Variants in CAP2 observed in about 807,000 individuals in gnomAD.
CAP2 encodes adenylyl cyclase-associated protein 2.
Under a neutral mutation model 57.7 loss-of-function variants are expected in CAP2, and 24 were observed. That is an observed-to-expected ratio of 0.42 (90% confidence interval 0.30 to 0.58). The LOEUF (loss-of-function observed/expected upper bound fraction) is 0.58. CAP2 is among the 20% of genes least tolerant of loss of function. The pLI is 0.22. For synonymous variants in CAP2, 194 were observed against 207.2 expected (o/e 0.94, Z 0.55); for missense variants, 501 against 590.3 (o/e 0.85, Z 1.57).
Position 17,421,638 on chromosome 6 carries a change from C to T in CAP2, c.83C>T (p.Pro28Leu). The T allele has an allele frequency of 6.2e-7, 1 of 1,614,090 alleles. No homozygotes were observed. Among genetic ancestry groups the T allele is most frequent in the Non-Finnish European group, 8.5e-7 (1 of 1,179,970 alleles). ...TCGCTGTCTGCAGAGTCCCACAGGC[C>T]CCCTGGGAACTGCGGGGAAGTCAAT... ...LESLSAESHR[P>L]PGNCGEVNGV... Residue 28 changes from proline to leucine, a missense_variant, in exon 2 of 13, where the codon CCC (proline) becomes CTC (leucine). Transcript: ENST00000229922.
chr6:17,441,528 G>C (rs2113563592), intron 3 of CAP2, among the ~76,000 whole-genome samples: 1 of 151,712 alleles, frequency 6.6e-6, no homozygotes, highest in East Asian at 1.9e-4. Context: ...CTTTCGCCCA[G>C]GCTGGAGTGC....
chr6:17,532,189 G>A (rs1762660848), intron 7 of CAP2, among the ~76,000 whole-genome samples: 1 of 141,788 alleles, frequency 7.1e-6, no homozygotes, highest in African/African-American at 2.6e-5. Context: ...CCCCCAGGCA[G>A]GAGTGCAGTG....
At chr6:17,483,909 GGATAGAGCCCCATA>G (rs781109020) in intron 4 of CAP2, among the ~76,000 whole-genome samples, 3 of 151,902 alleles carry the variant, frequency 2.0e-5, no homozygotes, top group Non-Finnish European at 4.4e-5. Context: ...AGCTTGCCCT[GGATAGAGCCCCATA>G]GGTTCTCTCC....
At chr6:17,430,600 G>A (rs1346866047) in intron 3 of CAP2, among the ~76,000 whole-genome samples, 4 of 150,858 alleles carry the variant, frequency 2.7e-5, no homozygotes, top group African/African-American at 4.9e-5. Context: ...GTGCAGTGGC[G>A]TGATCTGAGC....
chr6:17,394,133 G>A (rs1000155093), intron 1 of CAP2, among the ~76,000 whole-genome samples: 1 of 146,936 alleles, frequency 6.8e-6, no homozygotes, highest in Non-Finnish European at 1.5e-5. Context: ...ACTTTGGGGG[G>A]TCTCGTCCAC....
intron 3 of CAP2, among the ~76,000 whole-genome samples, chr6:17,440,562 T>G (rs894821029): frequency 6.6e-6 from 1 of 151,244 alleles, no homozygotes; most frequent in Admixed American, 6.6e-5. Flanking sequence ...TTAGCAGGAA[T>G]GTCAGCCCAT....
intron 1 of CAP2, among the ~76,000 whole-genome samples, chr6:17,404,493 T>C (rs1013161967): frequency 3.3e-5 from 5 of 151,908 alleles, no homozygotes; most frequent in African/African-American, 1.2e-4. Context: ...TAGTCCCAGC[T>C]ACTCGGGAGG....
chr6:17,462,928 G>T, intron 3 of CAP2, 68 bp from the exon 4 acceptor site: 1 of 1,241,314 alleles, frequency 8.1e-7, no homozygotes, highest in Non-Finnish European at 1.2e-6. Context: ...GGGTGGAATT[G>T]CCAGATTATA....
At chr6:17,448,615 G>A (rs1224101954) in intron 3 of CAP2, among the ~76,000 whole-genome samples, 2 of 152,286 alleles carry the variant, frequency 1.3e-5, no homozygotes, top group South Asian at 2.1e-4. Context: ...ATTTAGAAGA[G>A]TTCAGTGTTG....
intron 1 of CAP2, among the ~76,000 whole-genome samples, chr6:17,406,146 C>T (rs920761919): frequency 1.1e-4 from 17 of 152,074 alleles, no homozygotes; most frequent in Non-Finnish European, 2.4e-4. Flanking sequence ...CAGGGCATCC[C>T]CTTCTTTAGC....
chr6:17,514,382 C>T (rs1371331038), intron 7 of CAP2, among the ~76,000 whole-genome samples: 2 of 151,570 alleles, frequency 1.3e-5, no homozygotes, highest in African/African-American at 4.8e-5. Context: ...CATGTAGAAA[C>T]GGTTTATGGA....
chr6:17,531,458 T>C, intron 7 of CAP2: 2 of 1,525,778 alleles, frequency 1.3e-6, no homozygotes, highest in South Asian at 1.1e-5. Context: ...CATCTGCCTA[T>C]ATTCCTTGTG....
intron 3 of CAP2, among the ~76,000 whole-genome samples, chr6:17,462,077 A>C (rs2113596246): frequency 6.6e-6 from 1 of 151,654 alleles, no homozygotes; most frequent in South Asian, 2.1e-4. Context: ...AAATTAACAA[A>C]TTAGTTGAAT....
intron 1 of CAP2, among the ~76,000 whole-genome samples, chr6:17,411,070 C>G (rs948979604): frequency 1.3e-5 from 2 of 152,118 alleles, no homozygotes; most frequent in African/African-American, 4.8e-5. Flanking sequence ...GTCTGACTTT[C>G]ATTTAGTGTA....
At chr6:17,544,533 A>T (rs1454588389) in intron 11 of CAP2, among the ~76,000 whole-genome samples, 1 of 148,516 alleles carries the variant, frequency 6.7e-6, no homozygotes, top group Non-Finnish European at 1.5e-5. Flanking sequence ...TTGGCCAATT[A>T]TAACTTCTAT....
At chr6:17,443,209 G>A (rs73369448) in intron 3 of CAP2, among the ~76,000 whole-genome samples, 7,182 of 151,990 alleles carry the variant, frequency 0.047, 563 homozygotes, top group African/African-American at 0.16. Flanking sequence ...CCACTATCAC[G>A]GTATTGCACT....
At chr6:17,518,361 A>G (rs1168044383) in intron 7 of CAP2, among the ~76,000 whole-genome samples, 2 of 152,184 alleles carry the variant, frequency 1.3e-5, no homozygotes, top group East Asian at 3.9e-4. Context: ...CTCCTCTCTG[A>G]CTGTGGCCTG....
At position 17,413,416 on chromosome 6, in the gene CAP2, C is replaced by T. The variant is rs139349628; in HGVS notation, c.-1-8139C>T. Among the ~76,000 whole-genome samples the T allele has an allele frequency of 2.6e-3, 402 of 152,222 alleles. 2 individuals carry two copies. The highest frequency in any genetic ancestry group is 8.9e-3 in the African/African-American group (370 of 41,566). On this transcript the variant is annotated intron_variant, in intron 1 of 12. Coordinates refer to ENST00000229922, the MANE Select transcript of CAP2 (RefSeq NM_006366.3). Reference sequence around the variant, plus strand: ...GATACGAAGGCGGGCACCTTGGCAACGTGAATGTATCTCTTAGTTAAACAG... The same window carrying T: ...GATACGAAGGCGGGCACCTTGGCAATGTGAATGTATCTCTTAGTTAAACAG...
chr6:17,404,473 C>T (rs1319980648), intron 1 of CAP2, among the ~76,000 whole-genome samples: 1 of 152,074 alleles, frequency 6.6e-6, no homozygotes, highest in East Asian at 1.9e-4. Flanking sequence ...GGCGTGGTGG[C>T]GAGTGCCTGT....
Sources: allele counts gnomAD v4.1 joint callset (sites outside exome capture counted in the v4.1 genomes callset), GRCh38; gene constraint gnomAD v4.1.1; transcripts MANE v1.5; gene names NCBI Gene and HGNC (gene_info 2026-07-23, HGNC 2026-07-21).